DNAH11: variants seen among roughly 807,000 people sequenced by gnomAD.
The protein encoded by DNAH11 is axonemal beta dynein heavy chain 11.
A neutral mutation model predicts 526.0 loss-of-function variants in DNAH11; 442 were observed. The ratio of observed to expected loss-of-function variants is 0.84; its 90% CI spans 0.78 to 0.91. DNAH11 has a LOEUF of 0.91. DNAH11 is among the 40% of genes least tolerant of loss of function. The pLI, the probability that DNAH11 is intolerant of heterozygous loss-of-function variation, is 0.00. For missense variants in DNAH11, 6,989 were observed against 5,448.7 expected, an observed-to-expected ratio of 1.28 and a Z score of -8.90; for synonymous variants, 2,461 against 1,935.9, an observed-to-expected ratio of 1.27 and a Z score of -7.12.
intron 76 of DNAH11, among the ~76,000 whole-genome samples, chr7:21,885,573 A>G (rs749919459): frequency 2.0e-5 from 3 of 152,110 alleles, no homozygotes; most frequent in Non-Finnish European, 4.4e-5. Context: ...TCAACAATAC[A>G]ATATTGTATA....
At chr7:21,665,739 C>T (rs964954665) in intron 30 of DNAH11, among the ~76,000 whole-genome samples, 2 of 152,000 alleles carry the variant, frequency 1.3e-5, no homozygotes, top group Admixed American at 6.6e-5. Context: ...AAGCATTTAT[C>T]CACATAATTA....
chr7:21,789,208 T>C, intron 60 of DNAH11, 33 bp from the exon 61 acceptor site: 1 of 1,435,694 alleles, frequency 7.0e-7, no homozygotes, highest in Non-Finnish European at 9.6e-7. Context: ...TTACTTATCC[T>C]CTTTGTATCT....
intron 49 of DNAH11, among the ~76,000 whole-genome samples, chr7:21,743,989 T>A (rs935367689): frequency 2.6e-5 from 4 of 152,202 alleles, no homozygotes; most frequent in African/African-American, 9.6e-5. Context: ...TAGACCCACA[T>A]CTACCCATGA....
In DNAH11 at chr7:21,816,488, G is replaced by C. The variant is rs1406869596; in HGVS notation, c.10354G>C (p.Gly3452Arg). The C allele has an allele frequency of 2.5e-6, 4 of 1,609,106 alleles. No individual in the cohort carries two copies. The African/African-American group carries it at 4.0e-5, about 16-fold the overall frequency. Residue 3452 changes from glycine (G) to arginine (R), a missense_variant, in exon 64 of 82, where the codon GGC becomes CGC. Transcript: ENST00000409508. Reference protein sequence around the residue: ...QQKVSIPLTEGLDLISMLTDD... With the variant: ...QQKVSIPLTERLDLISMLTDD... ...AAAGGTTTCCATTCCACTAACCGAA[G>C]GCCTGGACTTGATATCCATGTTGAC...
chr7:21,577,265 C>T (rs986995645), intron 8 of DNAH11, among the ~76,000 whole-genome samples: 1 of 152,234 alleles, frequency 6.6e-6, no homozygotes, highest in African/African-American at 2.4e-5. Flanking sequence ...TCTAGCCAAA[C>T]ACCATGGAAG....
intron 80 of DNAH11, 38 bp downstream of exon 80, chr7:21,899,486 G>T: frequency 1.3e-6 from 2 of 1,494,408 alleles, no homozygotes; most frequent in Non-Finnish European, 9.2e-7. Flanking sequence ...ATGCACACAG[G>T]ACCACAGCCT....
chr7:21,730,102 ATGATC>A (rs1785308405), intron 45 of DNAH11, among the ~76,000 whole-genome samples: 1 of 152,226 alleles, frequency 6.6e-6, no homozygotes, highest in Admixed American at 6.5e-5. Flanking sequence ...GAGCTACCAT[ATGATC>A]TAGCAATCCC....
rs990010674 is a variant in DNAH11, at chr7:21,873,385, A to G, written c.12079A>G (p.Thr4027Ala). The change falls in exon 74 of 82, where the codon ACA (threonine) becomes GCA (alanine). Residue 4027 changes from threonine to alanine, a missense_variant. Coordinates refer to ENST00000409508, the MANE Select transcript of DNAH11 (RefSeq NM_001277115.2). ...RVFMSAESAP[T>A]PDEHIIPQGL... ...TTTCATGAGTGCTGAGTCTGCACCT[A>G]CACCAGATGAGCATATCATCCCTCA... The G allele has an allele frequency of 1.2e-6, 2 of 1,613,980 alleles. No homozygotes were observed.
intron 9 of DNAH11, among the ~76,000 whole-genome samples, chr7:21,582,951 A>G (rs1052820744): frequency 1.1e-4 from 16 of 152,108 alleles, no homozygotes; most frequent in Admixed American, 2.6e-4. Flanking sequence ...GCATTTTAAC[A>G]TAAAGAATTC....
intron 57 of DNAH11, among the ~76,000 whole-genome samples, chr7:21,779,653 C>CT (rs1787852956): frequency 6.6e-6 from 1 of 152,132 alleles, no homozygotes; most frequent in Non-Finnish European, 1.5e-5. Flanking sequence ...ATTCTGCTTT[C>CT]TTTCTACTCA....
At chr7:21,722,442 A>C (rs1784916569) in intron 44 of DNAH11, among the ~76,000 whole-genome samples, 1 of 152,194 alleles carries the variant, frequency 6.6e-6, no homozygotes, top group African/African-American at 2.4e-5. Flanking sequence ...TTTACATTGA[A>C]AGGCATCGCA....
At chr7:21,652,954 G>A (rs1781850149) in intron 28 of DNAH11, among the ~76,000 whole-genome samples, 1 of 152,070 alleles carries the variant, frequency 6.6e-6, no homozygotes, top group African/African-American at 2.4e-5. Flanking sequence ...TCGGCTCACT[G>A]CAACCTCTGC....
At chr7:21,883,949 G>A (rs1392652779) in intron 75 of DNAH11, among the ~76,000 whole-genome samples, 3 of 152,136 alleles carry the variant, frequency 2.0e-5, no homozygotes, top group Admixed American at 6.6e-5. Flanking sequence ...AGGCTGAGGC[G>A]AGAGGATTGC....
Position 21,545,001 on chromosome 7 carries a change from T to C in DNAH11, c.352-5T>C. On this transcript the variant is annotated splice_region_variant and splice_polypyrimidine_tract_variant and intron_variant, in intron 1 of 81. Transcript: ENST00000409508. ...CTTGAACTAATTATCTTGCTCTTGT[T>C]TTAGATTCCAAGAGATGCAAACCAT... 1 of 1,571,362 alleles carries C rather than the reference T, an allele frequency of 6.4e-7. No individual in the cohort carries two copies. Among genetic ancestry groups the C allele is most frequent in the South Asian group, 1.2e-5 (1 of 84,106 alleles).
At chr7:21,777,835 A>T (rs1787745270) in intron 56 of DNAH11, among the ~76,000 whole-genome samples, 1 of 152,174 alleles carries the variant, frequency 6.6e-6, no homozygotes, top group Non-Finnish European at 1.5e-5. Flanking sequence ...TTTTAGATAG[A>T]GTGTGAATAT....
chr7:21,676,965 C>T (rs1265043179), intron 30 of DNAH11, among the ~76,000 whole-genome samples: 1 of 152,150 alleles, frequency 6.6e-6, no homozygotes, highest in South Asian at 2.1e-4. Context: ...CATTGAGCAC[C>T]CACACTCTGA....
At chr7:21,835,868 CA>C (rs112075174) in intron 65 of DNAH11, among the ~76,000 whole-genome samples, 9,269 of 117,138 alleles carry the variant, frequency 0.079, 500 homozygotes, top group East Asian at 0.21. Flanking sequence ...AAAGACTCCT[CA>C]AAAAAAAAAA....
chr7:21,724,258 T>C (rs1784989058), intron 44 of DNAH11, among the ~76,000 whole-genome samples: 1 of 152,220 alleles, frequency 6.6e-6, no homozygotes, highest in Admixed American at 6.5e-5. Flanking sequence ...AGAAGTATCT[T>C]CTACCACCAA....
chr7:21,873,612 A>G, intron 74 of DNAH11, 111 bp downstream of exon 74: 1 of 1,046,332 alleles, frequency 9.6e-7, no homozygotes, highest in Non-Finnish European at 1.4e-6. Context: ...GCAAGTTCTT[A>G]ATGTTCGCAT....
Sources: allele counts gnomAD v4.1 joint callset (sites outside exome capture counted in the v4.1 genomes callset), GRCh38; gene constraint gnomAD v4.1.1; transcripts MANE v1.5; gene names NCBI Gene and HGNC (gene_info 2026-07-23, HGNC 2026-07-21).